Variants in CHLSN observed in about 807,000 individuals in gnomAD.
The protein encoded by CHLSN is protein cholesin.
chr7:991,628 G>A, the CHLSN span, among the ~76,000 whole-genome samples: 4 of 152,370 alleles, frequency 2.6e-5, no homozygotes, highest in African/African-American at 4.8e-5. Flanking sequence ...GGGAAATGCC[G>A]GGGCTTGGCA....
the CHLSN span, among the ~76,000 whole-genome samples, chr7:1,111,013 T>G: frequency 6.6e-6 from 1 of 152,240 alleles, no homozygotes; most frequent in East Asian, 1.9e-4. Flanking sequence ...GAGGTGGCGG[T>G]TGCAGTGAGC....
At chr7:1,001,473 C>G in the CHLSN span, among the ~76,000 whole-genome samples, 1 of 113,370 alleles carries the variant, frequency 8.8e-6, no homozygotes, top group Non-Finnish European at 1.8e-5. Flanking sequence ...GTGGGGAGTC[C>G]TGTGGGTGAG....
the CHLSN span, among the ~76,000 whole-genome samples, chr7:1,075,593 C>A: frequency 1.4e-5 from 2 of 142,384 alleles, no homozygotes; most frequent in African/African-American, 2.6e-5. Context: ...CAAGGCCGCA[C>A]AACAAATCGG....
the CHLSN span, among the ~76,000 whole-genome samples, chr7:1,126,225 G>C: frequency 6.6e-6 from 1 of 151,804 alleles, no homozygotes; most frequent in African/African-American, 2.4e-5. Context: ...GCTGGGCGTG[G>C]TGGTAGGCGC....
At chr7:1,071,381 A>G in the CHLSN span, among the ~76,000 whole-genome samples, 1 of 152,218 alleles carries the variant, frequency 6.6e-6, no homozygotes, top group Non-Finnish European at 1.5e-5. Context: ...CTGTGGCACT[A>G]GCACTGGTAG....
chr7:1,125,101 C>T, the CHLSN span, among the ~76,000 whole-genome samples: 20 of 152,376 alleles, frequency 1.3e-4, 1 homozygote, highest in Admixed American at 1.0e-3. Flanking sequence ...CAGCCACAGA[C>T]GTGGTGGACG....
At chr7:995,686 G>A in the CHLSN span, among the ~76,000 whole-genome samples, 7 of 152,394 alleles carry the variant, frequency 4.6e-5, no homozygotes, top group East Asian at 3.9e-4. Flanking sequence ...CAGCCGGATC[G>A]CAGGCACCGC....
the CHLSN span, among the ~76,000 whole-genome samples, chr7:1,100,374 G>T: frequency 1.3e-5 from 2 of 152,222 alleles, no homozygotes; most frequent in African/African-American, 4.8e-5. Context: ...GGAGAGAGTG[G>T]ACACCAGAGG....
the CHLSN span, among the ~76,000 whole-genome samples, chr7:1,030,415 G>A: frequency 6.6e-6 from 1 of 152,194 alleles, no homozygotes; most frequent in Admixed American, 6.5e-5. Context: ...AGCTGGCCTG[G>A]CAGTGGGGTG....
the CHLSN span, among the ~76,000 whole-genome samples, chr7:1,016,167 CAGCACACAG>C: frequency 2.4e-5 from 2 of 84,040 alleles, no homozygotes; most frequent in Admixed American, 1.2e-4. Flanking sequence ...CAGCACACAG[CAGCACACAG>C]CAGCACACGC....
At chr7:1,016,989 G>GCAGCACACGCCAGCACACAC in the CHLSN span, among the ~76,000 whole-genome samples, 4 of 138,656 alleles carry the variant, frequency 2.9e-5, no homozygotes, top group African/African-American at 1.1e-4. Flanking sequence ...CCAGCGCACA[G>GCAGCACACGCCAGCACACAC]CAGCGCACAG....
At chr7:1,058,534 G>A in the CHLSN span, 1 of 768,646 alleles carries the variant, frequency 1.3e-6, no homozygotes, top group African/African-American at 1.7e-5. Context: ...CAGCCCTCCT[G>A]GGGAGACGTG....
chr7:984,715 C>T, the CHLSN span: 2 of 1,279,022 alleles, frequency 1.6e-6, no homozygotes, highest in Non-Finnish European at 2.1e-6. Flanking sequence ...CGGGCTGGTG[C>T]TGAGAAGGGC....
the CHLSN span, among the ~76,000 whole-genome samples, chr7:1,095,096 G>A: frequency 2.6e-5 from 4 of 152,068 alleles, no homozygotes; most frequent in African/African-American, 9.7e-5. Flanking sequence ...CAGGCCCGGC[G>A]CACCCCTCCC....
chr7:998,457 CTTTTTTTTTTTT>C, the CHLSN span, among the ~76,000 whole-genome samples: 7 of 95,012 alleles, frequency 7.4e-5, no homozygotes, highest in Middle Eastern at 7.9e-3. Context: ...GTCTTAGATT[CTTTTTTTTTTTT>C]TTTTTTTTTT....
chr7:1,094,128 G>C, the CHLSN span, among the ~76,000 whole-genome samples: 27 of 152,238 alleles, frequency 1.8e-4, no homozygotes, highest in African/African-American at 6.3e-4. Flanking sequence ...GCTCTCGGCC[G>C]CGTGCGAGGC....
At chr7:1,006,233 A>C in the CHLSN span, among the ~76,000 whole-genome samples, 2 of 152,178 alleles carry the variant, frequency 1.3e-5, no homozygotes, top group Non-Finnish European at 2.9e-5. Context: ...AGCTGGAAAA[A>C]CAGAGCTGGG....
At chr7:1,106,851 G>T in the CHLSN span, among the ~76,000 whole-genome samples, 1 of 152,246 alleles carries the variant, frequency 6.6e-6, no homozygotes, top group Admixed American at 6.5e-5. Context: ...GCGAAGGGCA[G>T]CTGGGCCAGG....
At chr7:990,553 G>A in the CHLSN span, among the ~76,000 whole-genome samples, 1,966 of 152,088 alleles carry the variant, frequency 0.013, 54 homozygotes, top group African/African-American at 0.045. Context: ...CGTGGTGGCC[G>A]GGACACACGG....
Sources: gnomAD v4.1 joint callset for allele counts (sites outside exome capture counted in the v4.1 genomes callset) on GRCh38, gnomAD v4.1.1 for gene constraint, MANE v1.5 for transcripts, NCBI Gene and HGNC (gene_info 2026-07-23, HGNC 2026-07-21) for gene names.